RGL1: variants seen among roughly 807,000 people sequenced by gnomAD.
RGL1 encodes the protein ral guanine nucleotide dissociation stimulator-like 1.
Under a neutral mutation model 95.2 loss-of-function variants are expected in RGL1, and 24 were observed. The observed-to-expected ratio is 0.25, with a 90% confidence interval of 0.18 to 0.35. RGL1 has a LOEUF of 0.35. RGL1 is among the 10% of genes least tolerant of loss of function. The pLI is 1.00. For synonymous variants in RGL1, 329 were observed against 344.9 expected, an observed-to-expected ratio of 0.95 and a Z score of 0.51; for missense variants, 715 against 936.3, an observed-to-expected ratio of 0.76 and a Z score of 3.08.
intron 2 of RGL1, among the ~76,000 whole-genome samples, chr1:183,836,760 C>T (rs1018013489): frequency 6.6e-6 from 1 of 152,056 alleles, no homozygotes; most frequent in African/African-American, 2.4e-5. Context: ...GAATACTTGC[C>T]AGAGACACTG....
At chr1:183,915,384 AT>A (rs1376219681) in intron 15 of RGL1, among the ~76,000 whole-genome samples, 2 of 152,248 alleles carry the variant, frequency 1.3e-5, no homozygotes, top group Non-Finnish European at 2.9e-5. Context: ...GTTCAATTTA[AT>A]GATTTTTAAA....
At chr1:183,668,076 T>C (rs1394795458) in intron 1 of RGL1, among the ~76,000 whole-genome samples, 1 of 152,194 alleles carries the variant, frequency 6.6e-6, no homozygotes, top group Non-Finnish European at 1.5e-5. Context: ...AACAGTCATC[T>C]GTTAGATCAA....
chr1:183,703,142 G>A (rs1480806056), intron 1 of RGL1, among the ~76,000 whole-genome samples: 5 of 152,126 alleles, frequency 3.3e-5, no homozygotes, highest in Admixed American at 6.5e-5. Flanking sequence ...ACCTCCCCCC[G>A]CCGGCTTCCA....
At chr1:183,829,413 C>G (rs1436181910) in intron 2 of RGL1, among the ~76,000 whole-genome samples, 1 of 150,928 alleles carries the variant, frequency 6.6e-6, no homozygotes. Flanking sequence ...TGCACTCCAG[C>G]CTAGGCGACA....
chr1:183,769,200 A>G (rs1659153865), intron 2 of RGL1, among the ~76,000 whole-genome samples: 1 of 152,242 alleles, frequency 6.6e-6, no homozygotes, highest in Non-Finnish European at 1.5e-5. Context: ...AGTTAACTAC[A>G]TGGGTATTTT....
At chr1:183,826,311 CT>C (rs563863651) in intron 2 of RGL1, among the ~76,000 whole-genome samples, 27 of 152,276 alleles carry the variant, frequency 1.8e-4, no homozygotes, top group South Asian at 1.7e-3. Context: ...TCAACTCCCC[CT>C]AACCCTGCAA....
intron 1 of RGL1, among the ~76,000 whole-genome samples, chr1:183,736,042 C>A: frequency 6.6e-6 from 1 of 152,196 alleles, no homozygotes. Context: ...CAAATAGCAG[C>A]TTTAAAAAGC....
chr1:183,777,447 C>A (rs1378214067), intron 2 of RGL1, among the ~76,000 whole-genome samples: 1 of 152,148 alleles, frequency 6.6e-6, no homozygotes, highest in Non-Finnish European at 1.5e-5. Context: ...CACAGTTGCT[C>A]TGGGGCAGGG....
intron 7 of RGL1, among the ~76,000 whole-genome samples, chr1:183,886,277 T>A (rs544716071): frequency 2.4e-4 from 37 of 152,340 alleles, no homozygotes; most frequent in African/African-American, 7.9e-4. Context: ...GTAAGTTGCA[T>A]AAACAACTTC....
At chr1:183,857,813 C>T (rs1665250832) in intron 3 of RGL1, among the ~76,000 whole-genome samples, 1 of 152,168 alleles carries the variant, frequency 6.6e-6, no homozygotes, top group Admixed American at 6.5e-5. Flanking sequence ...CCAACTGTCA[C>T]CTGCCAACAC....
At chr1:183,896,706 G>A (rs187347135) in intron 9 of RGL1, among the ~76,000 whole-genome samples, 76 of 152,252 alleles carry the variant, frequency 5.0e-4, no homozygotes, top group Middle Eastern at 3.4e-3. Context: ...GCAGTTCCTG[G>A]AAAATGAGAA....
At chr1:183,735,106 A>G (rs773692352) in intron 1 of RGL1, among the ~76,000 whole-genome samples, 9 of 151,904 alleles carry the variant, frequency 5.9e-5, no homozygotes, top group Admixed American at 2.0e-4. Context: ...GCCAAATACT[A>G]TCAGTAAGGG....
intron 2 of RGL1, among the ~76,000 whole-genome samples, chr1:183,832,167 C>T (rs1232577252): frequency 2.0e-5 from 3 of 152,006 alleles, no homozygotes; most frequent in African/African-American, 4.8e-5. Flanking sequence ...TAAATTAAGG[C>T]AAAGGCAATG....
intron 2 of RGL1, among the ~76,000 whole-genome samples, chr1:183,834,025 G>C (rs1258928610): frequency 1.4e-5 from 2 of 143,832 alleles, no homozygotes; most frequent in African/African-American, 2.6e-5. Context: ...TTTGAAGACT[G>C]TCTCTAGGAG....
chr1:183,862,079 T>C (rs1018471801), intron 3 of RGL1, among the ~76,000 whole-genome samples: 1 of 152,108 alleles, frequency 6.6e-6, no homozygotes, highest in Non-Finnish European at 1.5e-5. Context: ...TGTTGGCTTA[T>C]GCCTGTAATC....
chr1:183,706,874 G>A (rs975986786), intron 1 of RGL1, among the ~76,000 whole-genome samples: 7 of 152,226 alleles, frequency 4.6e-5, no homozygotes, highest in African/African-American at 1.2e-4. Flanking sequence ...TGAAGCTTGC[G>A]CCAAATACTG....
At chr1:183,738,234 A>G (rs1657062870) in intron 1 of RGL1, among the ~76,000 whole-genome samples, 1 of 152,204 alleles carries the variant, frequency 6.6e-6, no homozygotes, top group Non-Finnish European at 1.5e-5. Context: ...AGCCTGGCCA[A>G]CATGGCGAAA....
intron 4 of RGL1, among the ~76,000 whole-genome samples, chr1:183,877,960 A>T (rs1007637619): frequency 4.6e-5 from 7 of 152,212 alleles, no homozygotes; most frequent in African/African-American, 1.7e-4. Context: ...ACGAGCATGC[A>T]GAGATGGAGG....
intron 1 of RGL1, among the ~76,000 whole-genome samples, chr1:183,700,415 G>A (rs1269353521): frequency 6.8e-6 from 1 of 146,548 alleles, no homozygotes; most frequent in Non-Finnish European, 1.5e-5. Context: ...TGGACAGAAA[G>A]CAGGTTTCAA....
Sources: gnomAD v4.1 joint callset for allele counts (sites outside exome capture counted in the v4.1 genomes callset) on GRCh38, gnomAD v4.1.1 for gene constraint, MANE v1.5 for transcripts, NCBI Gene and HGNC (gene_info 2026-07-23, HGNC 2026-07-21) for gene names.